DTNB: variants seen among roughly 807,000 people sequenced by gnomAD.
DTNB encodes the protein DTN-B.
DTNB carries 63 observed loss-of-function variants against 90.7 expected under a neutral mutation model. The observed-to-expected ratio is 0.69, with a 90% CI of 0.57 to 0.86. DTNB has a LOEUF of 0.86. Ranked by LOEUF, DTNB falls within the 40% of genes least tolerant of loss-of-function variation. The pLI, the probability that DTNB is intolerant of heterozygous loss-of-function variation, is 0.00. For synonymous variants in DTNB, 277 were observed against 286.7 expected (o/e 0.97, Z 0.34); for missense variants, 744 against 807.1 (o/e 0.92, Z 0.95).
At position 25,401,056 on chromosome 2, in the gene DTNB, T is replaced by C. The variant is rs190422785; in HGVS notation, c.1576-12695A>G. Among the ~76,000 whole-genome samples, 163 of 152,298 alleles carry C rather than the reference T, an allele frequency of 1.1e-3. 1 individual carries two copies. The highest frequency in any genetic ancestry group is 2.6e-4 in the Non-Finnish European group (18 of 68,034). ...GCTTGTTTTAGTCCAACATTCATTTTTCATTTGAGGAGGCTGAGGTCAAGA... is the reference window on the plus strand; with the variant it reads ...GCTTGTTTTAGTCCAACATTCATTTCTCATTTGAGGAGGCTGAGGTCAAGA... On this transcript the variant is annotated intron_variant, in intron 16 of 20. Coordinates refer to ENST00000406818, the MANE Select transcript of DTNB (RefSeq NM_021907.5).
chr2:25,665,565 A>G (rs1437944993), intron 1 of DTNB, among the ~76,000 whole-genome samples: 1 of 152,070 alleles, frequency 6.6e-6, no homozygotes, highest in Non-Finnish European at 1.5e-5. Context: ...GGTAGAGGTT[A>G]CAATGAGCTG....
intron 8 of DTNB, among the ~76,000 whole-genome samples, chr2:25,537,877 T>C (rs529760833): frequency 1.4e-4 from 21 of 152,282 alleles, no homozygotes; most frequent in African/African-American, 4.1e-4. Flanking sequence ...TCTCCTTCAC[T>C]TCATTTAAGC....
chr2:25,398,027 C>T (rs948064776), intron 16 of DTNB, among the ~76,000 whole-genome samples: 1 of 152,166 alleles, frequency 6.6e-6, no homozygotes, highest in Non-Finnish European at 1.5e-5. Flanking sequence ...GCCTGAGGAC[C>T]GCACATCAGA....
intron 12 of DTNB, among the ~76,000 whole-genome samples, chr2:25,442,516 T>A (rs2057653118): frequency 1.3e-5 from 2 of 152,218 alleles, no homozygotes; most frequent in African/African-American, 4.8e-5. Context: ...GCATCCAAGG[T>A]CGATGCGCTG....
chr2:25,537,048 G>C (rs775937451), intron 8 of DTNB, among the ~76,000 whole-genome samples: 10 of 152,086 alleles, frequency 6.6e-5, no homozygotes, highest in Admixed American at 3.9e-4. Flanking sequence ...GCCCCATACT[G>C]CAATTTTTAA....
chr2:25,570,076 A>G (rs4665794), intron 8 of DTNB, among the ~76,000 whole-genome samples: 149,162 of 149,176 alleles, frequency 1, 74,574 homozygotes, highest in Middle Eastern at 1. Flanking sequence ...CAGCCTAGGC[A>G]ACAAAGCAAG....
intron 2 of DTNB, among the ~76,000 whole-genome samples, chr2:25,639,793 C>T (rs568197831): frequency 6.6e-6 from 1 of 152,186 alleles, no homozygotes; most frequent in South Asian, 2.1e-4. Context: ...TGATAACAGA[C>T]GGCATAGCTT....
chr2:25,578,703 G>C (rs1299696801), intron 7 of DTNB, among the ~76,000 whole-genome samples: 2 of 152,020 alleles, frequency 1.3e-5, no homozygotes, highest in Admixed American at 6.6e-5. Context: ...TTCAGGTTCT[G>C]GTATAAGTAT....
intron 4 of DTNB, among the ~76,000 whole-genome samples, chr2:25,610,428 A>T (rs999156178): frequency 1.3e-5 from 2 of 152,242 alleles, no homozygotes; most frequent in Non-Finnish European, 2.9e-5. Flanking sequence ...CTCTGGTTTT[A>T]TATAATTTTA....
At chr2:25,469,467 T>G (rs1264686130) in intron 10 of DTNB, among the ~76,000 whole-genome samples, 2 of 152,076 alleles carry the variant, frequency 1.3e-5, no homozygotes. Flanking sequence ...TTATTTGAGA[T>G]GGAGTCTCAC....
At chr2:25,380,371 G>A (rs2037297526) in intron 19 of DTNB, among the ~76,000 whole-genome samples, 1 of 152,134 alleles carries the variant, frequency 6.6e-6, no homozygotes, top group Non-Finnish European at 1.5e-5. Context: ...AAAACACTTA[G>A]TCTTATAAAA....
chr2:25,517,206 C>T (rs2150752272), intron 9 of DTNB, among the ~76,000 whole-genome samples: 1 of 152,314 alleles, frequency 6.6e-6, no homozygotes, highest in Non-Finnish European at 1.5e-5. Context: ...CAAAAGACTA[C>T]ATATTGTACG....
intron 8 of DTNB, among the ~76,000 whole-genome samples, chr2:25,565,940 G>A (rs1177824127): frequency 6.6e-6 from 1 of 152,118 alleles, no homozygotes; most frequent in East Asian, 1.9e-4. Flanking sequence ...TTTACCTTCA[G>A]CGAACCCTGT....
intron 8 of DTNB, among the ~76,000 whole-genome samples, chr2:25,555,065 G>A (rs1005233471): frequency 6.6e-6 from 1 of 151,964 alleles, no homozygotes; most frequent in African/African-American, 2.4e-5. Flanking sequence ...GGGAGGCCGA[G>A]GTGGGCGGAT....
At chr2:25,471,680 G>A (rs763379811) in intron 10 of DTNB, among the ~76,000 whole-genome samples, 103 of 152,262 alleles carry the variant, frequency 6.8e-4, no homozygotes, top group Admixed American at 1.3e-3. Flanking sequence ...GGGATTACAG[G>A]CGTGAGCCAC....
At chr2:25,537,069 CAT>C (rs1487303217) in intron 8 of DTNB, among the ~76,000 whole-genome samples, 10 of 152,108 alleles carry the variant, frequency 6.6e-5, no homozygotes, top group African/African-American at 2.4e-4. Flanking sequence ...TTTGTTTGTC[CAT>C]CTCTGTTATA....
chr2:25,597,761 G>A (rs1046261271), intron 5 of DTNB, among the ~76,000 whole-genome samples: 2 of 152,140 alleles, frequency 1.3e-5, no homozygotes, highest in Non-Finnish European at 1.5e-5. Context: ...CTATTATGTG[G>A]TCCAAGTGCA....
chr2:25,587,655 A>G (rs2062712405), intron 6 of DTNB, among the ~76,000 whole-genome samples: 1 of 152,190 alleles, frequency 6.6e-6, no homozygotes, highest in Admixed American at 6.5e-5. Context: ...CTTTTCTAAA[A>G]AGAAAACAAT....
chr2:25,418,693 C>T (rs977311410), intron 16 of DTNB, among the ~76,000 whole-genome samples: 12 of 146,940 alleles, frequency 8.2e-5, no homozygotes, highest in Admixed American at 4.8e-4. Context: ...AGCGAGACAC[C>T]GTCTCAAAAA....
Sources: allele counts gnomAD v4.1 joint callset (sites outside exome capture counted in the v4.1 genomes callset), GRCh38; gene constraint gnomAD v4.1.1; transcripts MANE v1.5; gene names NCBI Gene and HGNC (gene_info 2026-07-23, HGNC 2026-07-21).